The following ADAMTS12 variants were observed in gnomAD, a reference collection of about 807,000 sequenced individuals.
The protein encoded by ADAMTS12 is ADAM metallopeptidase with thrombospondin type 1 motif 12, also known as A disintegrin and metalloproteinase with thrombospondin motifs 12.
ADAMTS12 carries 118 observed loss-of-function variants against 167.8 expected under a neutral mutation model. That is an observed-to-expected ratio of 0.70 (90% CI 0.61 to 0.82). The LOEUF is 0.82. ADAMTS12 is among the 40% of genes least tolerant of loss of function. The pLI, the probability that ADAMTS12 is intolerant of heterozygous loss-of-function variation, is 0.00. For missense variants in ADAMTS12, 1,916 were observed against 1,998.8 expected, an observed-to-expected ratio of 0.96 and a Z score of 0.79; for synonymous variants, 704 against 716.9, an observed-to-expected ratio of 0.98 and a Z score of 0.29.
intron 18 of ADAMTS12, among the ~76,000 whole-genome samples, chr5:33,578,149 C>G (rs897282914): frequency 6.6e-5 from 10 of 152,188 alleles, no homozygotes; most frequent in Non-Finnish European, 1.3e-4. Context: ...ACAGACCACC[C>G]AGGGGTCTTC....
intron 2 of ADAMTS12, among the ~76,000 whole-genome samples, chr5:33,826,154 C>T (rs892161343): frequency 6.6e-6 from 1 of 152,172 alleles, no homozygotes; most frequent in African/African-American, 2.4e-5. Flanking sequence ...GAGTTAGGGA[C>T]ATTTCTAAGG....
At chr5:33,838,147 G>A (rs527447996) in intron 2 of ADAMTS12, among the ~76,000 whole-genome samples, 2 of 152,154 alleles carry the variant, frequency 1.3e-5, no homozygotes, top group Admixed American at 6.5e-5. Flanking sequence ...ATAGCTTCCA[G>A]GTTGAGCAAT....
chr5:33,874,531 C>T (rs1750155560), intron 2 of ADAMTS12, among the ~76,000 whole-genome samples: 1 of 152,196 alleles, frequency 6.6e-6, no homozygotes, highest in Non-Finnish European at 1.5e-5. Context: ...CTGCTTCTTA[C>T]AAGACTAAAC....
chr5:33,792,837 G>A (rs970824833), intron 2 of ADAMTS12, among the ~76,000 whole-genome samples: 2 of 152,232 alleles, frequency 1.3e-5, no homozygotes, highest in African/African-American at 4.8e-5. Flanking sequence ...CCTTTGGCTG[G>A]TGTTATTGCT....
chr5:33,713,723 T>C (rs1349665879), intron 3 of ADAMTS12, among the ~76,000 whole-genome samples: 1 of 152,112 alleles, frequency 6.6e-6, no homozygotes, highest in African/African-American at 2.4e-5. Context: ...ATTCTGTCGA[T>C]TCACTTGTTT....
At chr5:33,890,436 G>A (rs1443405700) in intron 1 of ADAMTS12, among the ~76,000 whole-genome samples, 5 of 152,192 alleles carry the variant, frequency 3.3e-5, no homozygotes. Context: ...TCCAAGTAAA[G>A]CAAAGAGAGG....
rs1281660124 is a variant in ADAMTS12, at chr5:33,526,510, C to G, written c.*678G>C. The G allele has an allele frequency of 6.6e-6, 1 of 152,224 alleles. No individual in the cohort carries two copies. The highest frequency in any genetic ancestry group is 1.5e-5 in the Non-Finnish European group (1 of 68,038). 9.4% of individuals were successfully genotyped at this position (152,224 alleles called of 1,614,324 possible). A position where few individuals can be genotyped will look rare whatever the true frequency, so the allele number is the denominator to read the frequency against. ...TTTTCTGTGTAAGTGACCTAAACCC[C>G]TTAGGCTGTGTTTCTTATGCCTGTT... On this transcript the variant is annotated 3_prime_UTR_variant, in exon 24 of 24. Transcript: ENST00000504830.
chr5:33,585,422 T>G (rs933975945), intron 18 of ADAMTS12, among the ~76,000 whole-genome samples: 3 of 152,212 alleles, frequency 2.0e-5, no homozygotes, highest in African/African-American at 7.2e-5. Context: ...GCCCTTTTAT[T>G]GTAAACTGCC....
intron 2 of ADAMTS12, among the ~76,000 whole-genome samples, chr5:33,793,058 T>C (rs1746637232): frequency 1.3e-5 from 2 of 152,230 alleles, no homozygotes; most frequent in Admixed American, 1.3e-4. Flanking sequence ...TCGGGATGTG[T>C]GCCACAGTGG....
chr5:33,857,250 G>A (rs1157261061), intron 2 of ADAMTS12, among the ~76,000 whole-genome samples: 1 of 152,166 alleles, frequency 6.6e-6, no homozygotes, highest in Non-Finnish European at 1.5e-5. Flanking sequence ...GTGGTTGCCA[G>A]AGCCTGGGGG....
chr5:33,755,805 G>T (rs979982121), intron 2 of ADAMTS12, among the ~76,000 whole-genome samples: 1 of 152,214 alleles, frequency 6.6e-6, no homozygotes, highest in Non-Finnish European at 1.5e-5. Flanking sequence ...TTTGAAAATC[G>T]CAGATGTTAC....
chr5:33,891,666 G>A, intron 1 of ADAMTS12, 64 bp downstream of exon 1: 2 of 1,605,260 alleles, frequency 1.2e-6, no homozygotes, highest in African/African-American at 1.3e-5. Context: ...GGAAAGGGGA[G>A]CAACAAAATT....
intron 2 of ADAMTS12, among the ~76,000 whole-genome samples, chr5:33,755,772 G>T (rs1026817528): frequency 6.6e-6 from 1 of 152,160 alleles, no homozygotes; most frequent in African/African-American, 2.4e-5. Flanking sequence ...CCATCACCCT[G>T]CCTTGAAAAT....
chr5:33,635,613 T>C (rs904238898), intron 12 of ADAMTS12, among the ~76,000 whole-genome samples: 1 of 152,058 alleles, frequency 6.6e-6, no homozygotes, highest in African/African-American at 2.4e-5. Context: ...ACTGAGGGGG[T>C]AGAAAACTCT....
In ADAMTS12 at chr5:33,576,268, C is replaced by A. The variant is rs1746708886; in HGVS notation, c.3758G>T (p.Gly1253Val). Residue 1253 changes from glycine to valine, a missense_variant, in exon 19 of 24, where the codon GGA (glycine) becomes GTA (valine). Coordinates refer to ENST00000504830, the MANE Select transcript of ADAMTS12 (RefSeq NM_030955.4). Reference sequence around the variant, plus strand: ...TCCTGAGGGTTCTGGCTGGTGGTCTCCTCCCAGAGGGAGCAGAGTGTTGGC... The same window carrying A: ...TCCTGAGGGTTCTGGCTGGTGGTCTACTCCCAGAGGGAGCAGAGTGTTGGC... Reference protein sequence around the residue: ...KPANTLLPLGGDHQPEPSGKT... With the variant: ...KPANTLLPLGVDHQPEPSGKT... The A allele has an allele frequency of 6.2e-7, 1 of 1,614,166 alleles. No homozygotes were observed. Among genetic ancestry groups the A allele is most frequent in the Non-Finnish European group, 8.5e-7 (1 of 1,180,026 alleles).
intron 12 of ADAMTS12, among the ~76,000 whole-genome samples, chr5:33,637,111 T>C (rs750477149): frequency 6.6e-6 from 1 of 152,198 alleles, no homozygotes; most frequent in African/African-American, 2.4e-5. Context: ...TTCTTTCTTC[T>C]TGTGGAAAGA....
rs146033830 is a variant in ADAMTS12, at chr5:33,608,046, C to G, written c.2527+6192G>C. ...TGCCAGTGAAAGAGCTTCCAGATGG[C>G]TGAACACATGGAAGTTCCTGGAGGG... On this transcript the variant is annotated intron_variant, in intron 16 of 23. Coordinates refer to ENST00000504830, the MANE Select transcript of ADAMTS12 (RefSeq NM_030955.4). 5.0e-3 allele frequency among the ~76,000 whole-genome samples: 765 copies of G among 152,328 alleles called. 4 individuals carry two copies. The highest frequency in any genetic ancestry group is 0.018 in the African/African-American group (731 of 41,566).
chr5:33,685,051 A>C (rs766189313), intron 3 of ADAMTS12, among the ~76,000 whole-genome samples: 1 of 152,244 alleles, frequency 6.6e-6, no homozygotes, highest in Non-Finnish European at 1.5e-5. Flanking sequence ...GAGTAAAGAA[A>C]GAAGCCTGGG....
intron 12 of ADAMTS12, among the ~76,000 whole-genome samples, chr5:33,632,265 T>G (rs11959437): frequency 0.79 from 119,375 of 151,664 alleles, 48,475 homozygotes; most frequent in Non-Finnish European, 0.89. Context: ...TGGAAGGAGT[T>G]TGAGGGTTGA....
Sources: allele counts gnomAD v4.1 joint callset (sites outside exome capture counted in the v4.1 genomes callset), GRCh38; gene constraint gnomAD v4.1.1; transcripts MANE v1.5; gene names NCBI Gene and HGNC (gene_info 2026-07-23, HGNC 2026-07-21).